The following PCDH15 variants were observed in gnomAD, a reference collection of about 807,000 sequenced individuals.
PCDH15 encodes the protein protocadherin related 15.
In PCDH15, 129 loss-of-function variants were observed where a neutral mutation model predicts 178.5. That is an observed-to-expected ratio of 0.72 (90% CI 0.63 to 0.84). PCDH15 has a LOEUF of 0.84. PCDH15 is among the 40% of genes least tolerant of loss of function. PCDH15 has a pLI of 0.00. For synonymous variants in PCDH15, 800 were observed against 732.0 expected (o/e 1.09, Z -1.50); for missense variants, 2,230 against 2,099.9 (o/e 1.06, Z -1.21).
chr10:54,116,850 T>A (rs568333868), intron 15 of PCDH15, among the ~76,000 whole-genome samples: 1 of 152,216 alleles, frequency 6.6e-6, no homozygotes, highest in Admixed American at 6.5e-5. Context: ...TCATTTTACA[T>A]CTTTTGTATT....
chr10:54,133,882 T>C (rs867525757), intron 14 of PCDH15, among the ~76,000 whole-genome samples: 14 of 120,056 alleles, frequency 1.2e-4, no homozygotes, highest in Admixed American at 1.7e-4. Flanking sequence ...CACACATATA[T>C]ACACATATAT....
At chr10:54,681,031 T>C (rs1173745058) in intron 1 of PCDH15, among the ~76,000 whole-genome samples, 1 of 152,070 alleles carries the variant, frequency 6.6e-6, no homozygotes, top group Non-Finnish European at 1.5e-5. Context: ...CATACCACTT[T>C]CAATGGCTCT....
intron 5 of PCDH15, among the ~76,000 whole-genome samples, chr10:54,346,835 A>G (rs1459792383): frequency 6.6e-6 from 1 of 152,236 alleles, no homozygotes; most frequent in Non-Finnish European, 1.5e-5. Context: ...CCCACAGGCT[A>G]GAATTTAAAC....
At chr10:54,055,202 T>G (rs2660152) in intron 18 of PCDH15, among the ~76,000 whole-genome samples, 28,642 of 152,120 alleles carry the variant, frequency 0.19, 2,894 homozygotes, top group Non-Finnish European at 0.23. Context: ...GAAACATTCC[T>G]ACAATATCTT....
intron 2 of PCDH15, among the ~76,000 whole-genome samples, chr10:54,646,467 G>A (rs1419446034): frequency 6.6e-6 from 1 of 152,012 alleles, no homozygotes; most frequent in African/African-American, 2.4e-5. Context: ...AATATATTTT[G>A]GAGAAATAGA....
In PCDH15 at chr10:54,324,511, C is replaced by T. The variant is rs182461902; in HGVS notation, c.705+5085G>A. 5.9e-5 allele frequency among the ~76,000 whole-genome samples: 9 copies of T among 152,008 alleles called. No individual in the cohort carries two copies. The East Asian group carries it at 1.4e-3, about 23-fold the overall frequency. ...GGCACAGTGGTTCATGCCTGTAATC[C>T]CAGAACATTGGAAGGCCAAGGTGGG... On this transcript the variant is annotated intron_variant, in intron 7 of 37. Coordinates refer to ENST00000644397, the MANE Select transcript of PCDH15 (RefSeq NM_001384140.1).
chr10:54,726,445 T>G (rs7478170), intron 1 of PCDH15, among the ~76,000 whole-genome samples: 2 of 113,206 alleles, frequency 1.8e-5, no homozygotes, highest in Non-Finnish European at 2.0e-5. Context: ...TGTGTGTGTG[T>G]GTGTGTGTGT....
intron 2 of PCDH15, among the ~76,000 whole-genome samples, chr10:54,995,404 A>AAAG (rs1554821517): frequency 6.6e-6 from 1 of 151,842 alleles, no homozygotes; most frequent in African/African-American, 2.4e-5. Flanking sequence ...AAAAAAAAAA[A>AAAG]AAGAAGGAAA....
intron 1 of PCDH15, among the ~76,000 whole-genome samples, chr10:54,784,618 C>T (rs908188069): frequency 1.3e-5 from 2 of 149,534 alleles, no homozygotes; most frequent in African/African-American, 5.1e-5. Flanking sequence ...GGGAGTCCAA[C>T]ATCTGGAAGC....
intron 2 of PCDH15, among the ~76,000 whole-genome samples, chr10:55,510,304 G>A (rs1021583905): frequency 1.3e-5 from 2 of 151,890 alleles, no homozygotes; most frequent in Middle Eastern, 3.4e-3. Context: ...TACTCCTAAA[G>A]TCAAAACCAA....
At chr10:54,637,752 G>A (rs1714350954) in intron 2 of PCDH15, among the ~76,000 whole-genome samples, 1 of 151,940 alleles carries the variant, frequency 6.6e-6, no homozygotes, top group South Asian at 2.1e-4. Context: ...AGAAATAATT[G>A]GGGAGTTATT....
intron 3 of PCDH15, among the ~76,000 whole-genome samples, chr10:54,455,168 T>C (rs902723867): frequency 6.6e-6 from 1 of 152,170 alleles, no homozygotes; most frequent in Non-Finnish European, 1.5e-5. Context: ...GTGACTTAAT[T>C]ATACCTCTTT....
intron 1 of PCDH15, among the ~76,000 whole-genome samples, chr10:54,709,942 TATATATATATTAC>T (rs1041988716): frequency 2.6e-5 from 3 of 114,158 alleles, no homozygotes; most frequent in Admixed American, 9.1e-5. Context: ...CACCTTTATG[TATATATATATTAC>T]ATATTTATAT....
In PCDH15 at chr10:54,208,656, T is replaced by C. The variant is rs1678609380; in HGVS notation, c.1098+5280A>G. On this transcript the variant is annotated intron_variant, in intron 10 of 37. Transcript: ENST00000644397. ...CGGAAGAGTGAGAAATATATTTCTGTTGTTTATAATCCACCCAGTCTTTTG... is the reference window on the plus strand; with the variant it reads ...CGGAAGAGTGAGAAATATATTTCTGCTGTTTATAATCCACCCAGTCTTTTG... 2.0e-5 allele frequency among the ~76,000 whole-genome samples: 3 copies of C among 151,942 alleles called. No individual in the cohort carries two copies. The South Asian group carries it at 6.2e-4, about 32-fold the overall frequency.
intron 1 of PCDH15, among the ~76,000 whole-genome samples, chr10:54,745,398 GATC>G (rs1945327726): frequency 2.0e-5 from 3 of 149,306 alleles, no homozygotes; most frequent in African/African-American, 7.4e-5. Context: ...AAGTGAAAGT[GATC>G]TAATCAGAAG....
chr10:54,352,165 A>G (rs1015228449), intron 5 of PCDH15, among the ~76,000 whole-genome samples: 1 of 152,220 alleles, frequency 6.6e-6, no homozygotes, highest in Non-Finnish European at 1.5e-5. Flanking sequence ...AAAATAAAAT[A>G]CTAAAAAATG....
At chr10:53,844,311 A>G (rs532110985) in intron 28 of PCDH15, among the ~76,000 whole-genome samples, 1 of 152,168 alleles carries the variant, frequency 6.6e-6, no homozygotes, top group South Asian at 2.1e-4. Context: ...CAGGAAAACT[A>G]GTTAGTAAAG....
chr10:55,585,615 G>A (rs551950086), intron 2 of PCDH15, among the ~76,000 whole-genome samples: 2 of 152,174 alleles, frequency 1.3e-5, no homozygotes, highest in East Asian at 3.9e-4. Context: ...GATGGAGGTT[G>A]CATTGAGCCG....
intron 2 of PCDH15, among the ~76,000 whole-genome samples, chr10:54,656,304 G>C (rs989077346): frequency 6.6e-6 from 1 of 150,932 alleles, no homozygotes; most frequent in South Asian, 2.2e-4. Context: ...GTCTGGCAGA[G>C]ATTGACCCCC....
Sources: allele counts gnomAD v4.1 joint callset (sites outside exome capture counted in the v4.1 genomes callset), GRCh38; gene constraint gnomAD v4.1.1; transcripts MANE v1.5; gene names NCBI Gene and HGNC (gene_info 2026-07-23, HGNC 2026-07-21).